RIMBP2: variants seen among roughly 807,000 people sequenced by gnomAD.
RIMBP2 encodes RIMS-binding protein 2.
RIMBP2 carries 48 observed loss-of-function variants against 118.6 expected under a neutral mutation model. The ratio of observed to expected loss-of-function variants is 0.40; its 90% CI spans 0.32 to 0.51. The LOEUF is 0.51. RIMBP2 is among the 20% of genes least tolerant of loss of function. The pLI is 0.41. For synonymous variants in RIMBP2, 762 were observed against 742.9 expected (o/e 1.03, Z -0.42); for missense variants, 1,551 against 1,768.3 (o/e 0.88, Z 2.20).
intron 4 of RIMBP2, among the ~76,000 whole-genome samples, chr12:130,480,382 A>G (rs2081875659): frequency 6.6e-6 from 1 of 151,816 alleles, no homozygotes. Context: ...GATGGCATAT[A>G]CCCCCGATGT....
At chr12:130,590,721 G>A (rs771300168) in intron 2 of RIMBP2, among the ~76,000 whole-genome samples, 1 of 152,170 alleles carries the variant, frequency 6.6e-6, no homozygotes, top group Non-Finnish European at 1.5e-5. Context: ...AGACCTCCCC[G>A]CTTCTGAGGC....
intron 2 of RIMBP2, among the ~76,000 whole-genome samples, chr12:130,598,350 A>G (rs2059673745): frequency 6.6e-6 from 1 of 151,160 alleles, no homozygotes; most frequent in South Asian, 2.1e-4. Flanking sequence ...TCAAAATCCA[A>G]TTATGCTTTT....
chr12:130,607,199 C>T (rs951326772), intron 2 of RIMBP2, among the ~76,000 whole-genome samples: 2 of 152,132 alleles, frequency 1.3e-5, no homozygotes, highest in Non-Finnish European at 2.9e-5. Flanking sequence ...TCCTTCTTCA[C>T]GTTTAATTTC....
chr12:130,506,845 A>G, intron 3 of RIMBP2, 75 bp from the exon 4 acceptor site: 3 of 964,678 alleles, frequency 3.1e-6, no homozygotes, highest in African/African-American at 1.8e-5. Flanking sequence ...CTTCCTCTTT[A>G]GGAGCAAAAT....
At chr12:130,599,193 T>C (rs555773461) in intron 2 of RIMBP2, among the ~76,000 whole-genome samples, 1 of 152,332 alleles carries the variant, frequency 6.6e-6, no homozygotes, top group South Asian at 2.1e-4. Flanking sequence ...ATCATCAATT[T>C]GTGACTTTAG....
At chr12:130,611,282 G>T (rs990381227) in intron 2 of RIMBP2, among the ~76,000 whole-genome samples, 3 of 152,212 alleles carry the variant, frequency 2.0e-5, no homozygotes, top group Admixed American at 6.5e-5. Flanking sequence ...CCCCACAGGG[G>T]AAGCACTCAG....
intron 4 of RIMBP2, among the ~76,000 whole-genome samples, chr12:130,482,904 G>A (rs2082139737): frequency 9.0e-6 from 1 of 110,948 alleles, no homozygotes; most frequent in Non-Finnish European, 1.9e-5. Context: ...CAGGGGAGGG[G>A]GCACACCTCA....
At chr12:130,552,918 C>T (rs189311477) in intron 2 of RIMBP2, among the ~76,000 whole-genome samples, 4 of 151,886 alleles carry the variant, frequency 2.6e-5, no homozygotes, top group Admixed American at 6.6e-5. Context: ...TTGGGGAGGC[C>T]GAGGCAGGCG....
rs573035551 is a variant in RIMBP2 at position 130,437,167 on chromosome 12, G to T, written c.1781C>A (p.Ala594Glu). ...GAGCTCGGGGGGAACGGCAGCAACT[G>T]CAGAGTCCACGGACTCGCCCTGGGC... ...LSAQGESVDS[A>E]VAAVPPELLV... Residue 594 changes from alanine (A) to glutamate (E), a missense_variant, in exon 13 of 23, where the codon GCA becomes GAA. Transcript: ENST00000690449. The T allele has an allele frequency of 3.8e-6, 6 of 1,589,710 alleles. No individual in the cohort carries two copies. Among genetic ancestry groups the T allele is most frequent in the Non-Finnish European group, 4.3e-6 (5 of 1,169,186 alleles).
chr12:130,418,505 A>G (rs1055453103), intron 17 of RIMBP2, among the ~76,000 whole-genome samples: 5 of 152,190 alleles, frequency 3.3e-5, no homozygotes, highest in Non-Finnish European at 7.3e-5. Flanking sequence ...GATCTGCTGG[A>G]GGAACTTAAT....
intron 1 of RIMBP2, among the ~76,000 whole-genome samples, chr12:130,681,903 G>A (rs994986405): frequency 1.3e-5 from 2 of 152,004 alleles, no homozygotes; most frequent in Non-Finnish European, 2.9e-5. Context: ...CACCATGCTG[G>A]CCAGACTAGT....
chr12:130,582,677 TG>T (rs1299118930), intron 2 of RIMBP2, among the ~76,000 whole-genome samples: 1 of 152,188 alleles, frequency 6.6e-6, no homozygotes, highest in African/African-American at 2.4e-5. Context: ...CCCAGGGCCC[TG>T]AAAGAAATGC....
At chr12:130,403,928 G>A (rs73150881) in intron 21 of RIMBP2, among the ~76,000 whole-genome samples, 6,694 of 152,164 alleles carry the variant, frequency 0.044, 299 homozygotes, top group African/African-American at 0.11. Context: ...TACTTTCTCC[G>A]TATTATAAAG....
intron 2 of RIMBP2, among the ~76,000 whole-genome samples, chr12:130,524,276 T>C (rs1265001252): frequency 6.6e-6 from 1 of 152,192 alleles, no homozygotes; most frequent in East Asian, 1.9e-4. Flanking sequence ...GCTTCTTCTC[T>C]GCTCTTCTTT....
intron 1 of RIMBP2, among the ~76,000 whole-genome samples, chr12:130,664,437 A>G (rs1594168605): frequency 1.1e-5 from 1 of 89,408 alleles, no homozygotes; most frequent in South Asian, 4.0e-4. Context: ...ACATGCATGC[A>G]CGCACACACG....
intron 2 of RIMBP2, among the ~76,000 whole-genome samples, chr12:130,598,183 G>A (rs2059662875): frequency 6.6e-6 from 1 of 152,178 alleles, no homozygotes; most frequent in Non-Finnish European, 1.5e-5. Flanking sequence ...CAAAAGATAT[G>A]AATGACTTGC....
intron 1 of RIMBP2, among the ~76,000 whole-genome samples, chr12:130,649,297 G>C (rs1015972550): frequency 9.1e-6 from 1 of 109,488 alleles, no homozygotes; most frequent in Non-Finnish European, 2.4e-5. Context: ...GCGGAGAGAT[G>C]AGTGCTCCCG....
chr12:130,528,031 G>A (rs774698078), intron 2 of RIMBP2, among the ~76,000 whole-genome samples: 2 of 152,200 alleles, frequency 1.3e-5, no homozygotes, highest in African/African-American at 2.4e-5. Context: ...GTGGAAGACA[G>A]TGTGATGATT....
At chr12:130,476,924 T>C (rs1443292764) in intron 5 of RIMBP2, among the ~76,000 whole-genome samples, 1 of 152,122 alleles carries the variant, frequency 6.6e-6, no homozygotes, top group Non-Finnish European at 1.5e-5. Flanking sequence ...TGGTCACAAG[T>C]GCAGTGCAAC....
Sources: gnomAD v4.1 joint callset for allele counts (sites outside exome capture counted in the v4.1 genomes callset) on GRCh38, gnomAD v4.1.1 for gene constraint, MANE v1.5 for transcripts, NCBI Gene and HGNC (gene_info 2026-07-23, HGNC 2026-07-21) for gene names.